Variants in SLC44A5 observed in about 807,000 individuals in gnomAD.
SLC44A5 encodes the protein choline transporter-like protein 5.
SLC44A5 carries 57 observed loss-of-function variants against 101.8 expected under a neutral mutation model. That is an observed-to-expected ratio of 0.56 (90% CI 0.45 to 0.70). SLC44A5 has a LOEUF of 0.70. Ranked by LOEUF, SLC44A5 falls within the 30% of genes least tolerant of loss-of-function variation. The pLI is 0.00. For missense variants in SLC44A5, 737 were observed against 853.1 expected (o/e 0.86, Z 1.70); for synonymous variants, 281 against 290.9 (o/e 0.97, Z 0.35).
intron 12 of SLC44A5, among the ~76,000 whole-genome samples, chr1:75,228,970 A>G (rs1322002213): frequency 6.6e-6 from 1 of 151,726 alleles, no homozygotes; most frequent in Non-Finnish European, 1.5e-5. Flanking sequence ...ATGCAGGCAA[A>G]GTTTGTTTAG....
At chr1:75,514,008 T>TA (rs915283120) in intron 2 of SLC44A5, among the ~76,000 whole-genome samples, 16 of 152,038 alleles carry the variant, frequency 1.1e-4, no homozygotes, top group Non-Finnish European at 1.9e-4. Flanking sequence ...CTGGCTAATT[T>TA]AAAAAAAATT....
intron 1 of SLC44A5, chr1:75,582,022 T>C: frequency 1.7e-6 from 1 of 598,286 alleles, no homozygotes; most frequent in East Asian, 3.4e-5. Context: ...CAGACCAAGA[T>C]ATCCAGTTAT....
At chr1:75,270,608 G>A (rs1227920045) in intron 6 of SLC44A5, among the ~76,000 whole-genome samples, 1 of 152,052 alleles carries the variant, frequency 6.6e-6, no homozygotes, top group Non-Finnish European at 1.5e-5. Flanking sequence ...TCAGGGCGAG[G>A]AAGGCAATGA....
intron 5 of SLC44A5, among the ~76,000 whole-genome samples, chr1:75,280,772 C>A (rs2100776335): frequency 6.6e-6 from 1 of 151,974 alleles, no homozygotes; most frequent in Admixed American, 6.6e-5. Flanking sequence ...CCATGCATTT[C>A]TCCTTCCTGC....
intron 3 of SLC44A5, among the ~76,000 whole-genome samples, chr1:75,358,306 G>A (rs1659230743): frequency 6.6e-6 from 1 of 152,136 alleles, no homozygotes; most frequent in Non-Finnish European, 1.5e-5. Context: ...TTTGATAAGT[G>A]TGCATGCCAT....
At chr1:75,208,219 C>T (rs548725917) in intron 23 of SLC44A5, among the ~76,000 whole-genome samples, 10 of 152,254 alleles carry the variant, frequency 6.6e-5, no homozygotes, top group Admixed American at 3.9e-4. Flanking sequence ...AGTGCAGTGG[C>T]GTGATCTCAG....
chr1:75,464,221 C>CAAAA (rs57630961), intron 2 of SLC44A5, among the ~76,000 whole-genome samples: 21 of 51,936 alleles, frequency 4.0e-4, no homozygotes, highest in Middle Eastern at 0.013. Flanking sequence ...GACTCTGTCT[C>CAAAA]AAAAAAAAAA....
At chr1:75,650,391 G>A in the SLC44A5 span, among the ~76,000 whole-genome samples, 6 of 152,076 alleles carry the variant, frequency 3.9e-5, no homozygotes, top group Non-Finnish European at 4.4e-5. Flanking sequence ...TTTTGGGAAG[G>A]CACAAAATGC....
At chr1:75,668,607 C>T in the SLC44A5 span, among the ~76,000 whole-genome samples, 1 of 151,188 alleles carries the variant, frequency 6.6e-6, no homozygotes, top group Non-Finnish European at 1.5e-5. Flanking sequence ...CAAGCCTGAG[C>T]CACCACACCC....
At chr1:75,699,903 CAAAG>C in the SLC44A5 span, among the ~76,000 whole-genome samples, 1 of 151,892 alleles carries the variant, frequency 6.6e-6, no homozygotes, top group Non-Finnish European at 1.5e-5. Flanking sequence ...TCAAAAGAGA[CAAAG>C]AAGGCCATTA....
intron 11 of SLC44A5, among the ~76,000 whole-genome samples, chr1:75,236,039 T>C (rs1648048694): frequency 6.6e-6 from 1 of 152,030 alleles, no homozygotes; most frequent in Non-Finnish European, 1.5e-5. Context: ...ATAAAGGTTA[T>C]AAATGATACT....
At chr1:75,611,820 TC>T (rs1250601765), upstream of SLC44A5, among the ~76,000 whole-genome samples, 2 of 152,036 alleles carry the variant, frequency 1.3e-5, no homozygotes, top group Admixed American at 1.3e-4. Context: ...CTTTCTCATG[TC>T]CCCTTCCAAA....
intron 4 of SLC44A5, among the ~76,000 whole-genome samples, chr1:75,317,068 T>G (rs1393235639): frequency 6.6e-6 from 1 of 152,232 alleles, no homozygotes; most frequent in East Asian, 1.9e-4. Flanking sequence ...AGAGATGAAG[T>G]TTGTAGAAAA....
At chr1:75,204,145 T>C (rs1177745759) in intron 23 of SLC44A5, among the ~76,000 whole-genome samples, 1 of 152,202 alleles carries the variant, frequency 6.6e-6, no homozygotes, top group Non-Finnish European at 1.5e-5. Context: ...TTCAATTTAC[T>C]TTCTAAATTA....
intron 5 of SLC44A5, among the ~76,000 whole-genome samples, chr1:75,281,211 A>G (rs933429587): frequency 2.0e-5 from 3 of 152,142 alleles, no homozygotes; most frequent in African/African-American, 7.2e-5. Context: ...CCAGGCTGAG[A>G]TGATCTCAGA....
intron 2 of SLC44A5, among the ~76,000 whole-genome samples, chr1:75,476,019 C>G (rs1175694939): frequency 6.6e-6 from 1 of 152,086 alleles, no homozygotes; most frequent in Non-Finnish European, 1.5e-5. Context: ...TCTGTCTCTA[C>G]TAAAAATACA....
intron 1 of SLC44A5, among the ~76,000 whole-genome samples, chr1:75,553,760 G>A (rs908141464): frequency 6.6e-6 from 1 of 152,148 alleles, no homozygotes; most frequent in Non-Finnish European, 1.5e-5. Flanking sequence ...ATTGATCAAG[G>A]GTGGTCCCCC....
chr1:75,329,011 A>C (rs1656820517), intron 4 of SLC44A5, among the ~76,000 whole-genome samples: 1 of 152,312 alleles, frequency 6.6e-6, no homozygotes, highest in Non-Finnish European at 1.5e-5. Context: ...GGATCAAAAA[A>C]CTACCTATTG....
At chr1:75,586,545 T>C (rs1430470529) in intron 1 of SLC44A5, among the ~76,000 whole-genome samples, 1 of 151,946 alleles carries the variant, frequency 6.6e-6, no homozygotes, top group Non-Finnish European at 1.5e-5. Flanking sequence ...GTTTGATTTT[T>C]TTTTTTGTTT....
Sources: gnomAD v4.1 joint callset for allele counts (sites outside exome capture counted in the v4.1 genomes callset) on GRCh38, gnomAD v4.1.1 for gene constraint, MANE v1.5 for transcripts, NCBI Gene and HGNC (gene_info 2026-07-23, HGNC 2026-07-21) for gene names.